PCDH11X: variants seen among roughly 807,000 people sequenced by gnomAD.
PCDH11X encodes the protein protocadherin 11 X-linked.
Under a neutral mutation model 53.3 loss-of-function variants are expected in PCDH11X, and 18 were observed. The observed-to-expected ratio is 0.34, with a 90% CI of 0.23 to 0.50. PCDH11X has a LOEUF of 0.50. Ranked by LOEUF, PCDH11X falls within the 20% of genes least tolerant of loss-of-function variation. The pLI, the probability that PCDH11X is intolerant of heterozygous loss-of-function variation, is 0.98. For synonymous variants in PCDH11X, 279 were observed against 393.3 expected (o/e 0.71, Z 3.44); for missense variants, 570 against 1,032.4 (o/e 0.55, Z 6.14).
chrX:92,259,651 C>T (rs959330776), intron 7 of PCDH11X, among the ~76,000 whole-genome samples: 1 of 111,410 alleles, frequency 9.0e-6, no homozygotes, highest in Non-Finnish European at 1.9e-5. Flanking sequence ...GGTGAGGACT[C>T]AGATCCAAAC....
intron 6 of PCDH11X, among the ~76,000 whole-genome samples, chrX:92,160,637 T>C (rs2065624809): frequency 1.2e-5 from 1 of 84,976 alleles, no homozygotes; most frequent in South Asian, 4.6e-4. Context: ...AGGTATTTTT[T>C]TTTCTTTTTT....
At chrX:91,942,359 A>T (rs1037520501) in intron 6 of PCDH11X, among the ~76,000 whole-genome samples, 3 of 111,039 alleles carry the variant, frequency 2.7e-5, no homozygotes, top group Non-Finnish European at 3.8e-5. Flanking sequence ...TGTAATATCA[A>T]CAATGAGAGA....
chrX:92,597,274 G>GA (rs1461000218), intron 10 of PCDH11X, among the ~76,000 whole-genome samples: 2 of 106,096 alleles, frequency 1.9e-5, no homozygotes, highest in African/African-American at 7.0e-5. Flanking sequence ...TCCATATTGG[G>GA]AAAAAACTAA....
intron 5 of PCDH11X, among the ~76,000 whole-genome samples, chrX:91,851,796 A>G (rs1173314140): frequency 9.0e-6 from 1 of 110,868 alleles, no homozygotes; most frequent in Non-Finnish European, 1.9e-5. Context: ...TATCACCTCT[A>G]TTTTCAAGCT....
chrX:92,495,223 T>A (rs1158425714), intron 10 of PCDH11X, among the ~76,000 whole-genome samples: 1 of 111,297 alleles, frequency 9.0e-6, no homozygotes, highest in Non-Finnish European at 1.9e-5. Flanking sequence ...ATACCGTCTC[T>A]TTCCATACTG....
At chrX:91,796,880 C>T (rs1356695626) in intron 1 of PCDH11X, among the ~76,000 whole-genome samples, 1 of 111,512 alleles carries the variant, frequency 9.0e-6, no homozygotes, top group Non-Finnish European at 1.9e-5. Context: ...CAGTAAATGG[C>T]CCCATCAGGG....
intron 5 of PCDH11X, among the ~76,000 whole-genome samples, chrX:91,845,556 A>T (rs1937619294): frequency 9.0e-6 from 1 of 110,642 alleles, no homozygotes; most frequent in African/African-American, 3.3e-5. Context: ...TTTAACTAGA[A>T]GTACTCATGG....
At chrX:92,184,078 G>A (rs1255100896) in intron 6 of PCDH11X, among the ~76,000 whole-genome samples, 1 of 111,591 alleles carries the variant, frequency 9.0e-6, no homozygotes, top group Non-Finnish European at 1.9e-5. Context: ...CCCAGCATGT[G>A]GAACAGTGTA....
intron 9 of PCDH11X, among the ~76,000 whole-genome samples, chrX:92,409,957 C>T (rs5984952): frequency 0.31 from 34,612 of 110,311 alleles, 4,708 homozygotes; most frequent in East Asian, 0.7. Context: ...ATTTTTTTAG[C>T]ATTTTAAAAT....
rs1257129287 is a variant in PCDH11X at position 92,275,366 on chromosome X, C to G, written c.3144+12223C>G. The stretch of plus-strand genomic sequence containing the variant: ...CACGTGTGTTTTTATGAGAATTATG[C>G]CGAGATAGGTAACAGGTGAGGATAA... On this transcript the variant is annotated intron_variant, in intron 8 of 10. Transcript: ENST00000682573. Among the ~76,000 whole-genome samples the G allele has an allele frequency of 3.7e-5, 4 of 107,334 alleles. No homozygotes were observed. In the Admixed American group the frequency reaches 4.0e-4, roughly 11 times the overall value. The allele number at this position is 107,334 out of a possible 115,157, so 93.2% of individuals were successfully genotyped here. A position where few individuals can be genotyped will look rare whatever the true frequency, so the allele number is the denominator to read the frequency against.
chrX:92,469,541 G>C (rs1221412006), intron 10 of PCDH11X, among the ~76,000 whole-genome samples: 1 of 111,591 alleles, frequency 9.0e-6, no homozygotes, highest in African/African-American at 3.2e-5. Flanking sequence ...TTAGAGTTAA[G>C]TCTTTAATAT....
chrX:92,397,680 A>G (rs1274484314), intron 9 of PCDH11X, among the ~76,000 whole-genome samples: 1 of 110,475 alleles, frequency 9.1e-6, no homozygotes, highest in Admixed American at 9.8e-5. Flanking sequence ...TGCCTCATTC[A>G]GACTGTAGTT....
intron 6 of PCDH11X, among the ~76,000 whole-genome samples, chrX:92,167,707 T>C (rs940866523): frequency 1.8e-5 from 2 of 111,954 alleles, no homozygotes; most frequent in Non-Finnish European, 3.8e-5. Context: ...TTACCACAAT[T>C]GCTGGCCATG....
At chrX:91,907,412 C>CACACACACAGAGAGAG (rs756926383) in intron 6 of PCDH11X, among the ~76,000 whole-genome samples, 3 of 57,496 alleles carry the variant, frequency 5.2e-5, no homozygotes, top group South Asian at 2.2e-3. Context: ...CACACACACA[C>CACACACACAGAGAGAG]AGAGAGAGAG....
chrX:92,281,069 A>C, intron 8 of PCDH11X, among the ~76,000 whole-genome samples: 1 of 111,272 alleles, frequency 9.0e-6, no homozygotes, highest in Middle Eastern at 4.7e-3. Context: ...GAGTGGTGAT[A>C]AATGAATGAG....
At chrX:92,353,160 C>T (rs35994909) in intron 8 of PCDH11X, among the ~76,000 whole-genome samples, 2 of 111,589 alleles carry the variant, frequency 1.8e-5, no homozygotes, top group African/African-American at 3.3e-5. Context: ...ATTTCACCCA[C>T]GTAACTCATT....
At chrX:92,091,206 G>A (rs1325366506) in intron 6 of PCDH11X, among the ~76,000 whole-genome samples, 1 of 111,082 alleles carries the variant, frequency 9.0e-6, no homozygotes, top group Admixed American at 9.6e-5. Context: ...AGTCAGTTTA[G>A]AAGACTGCAG....
chrX:92,202,528 G>A (rs1267764256), intron 7 of PCDH11X, among the ~76,000 whole-genome samples: 1 of 111,129 alleles, frequency 9.0e-6, no homozygotes, highest in Non-Finnish European at 1.9e-5. Flanking sequence ...ATTCCTGGGG[G>A]AGAAGCATCT....
At chrX:92,367,011 T>G (rs1157085223) in intron 8 of PCDH11X, among the ~76,000 whole-genome samples, 1 of 108,817 alleles carries the variant, frequency 9.2e-6, no homozygotes, top group Non-Finnish European at 1.9e-5. Flanking sequence ...CTATTAGGTC[T>G]GCTTGGTCCA....
Sources: gnomAD v4.1 joint callset for allele counts (sites outside exome capture counted in the v4.1 genomes callset) on GRCh38, gnomAD v4.1.1 for gene constraint, MANE v1.5 for transcripts, NCBI Gene and HGNC (gene_info 2026-07-23, HGNC 2026-07-21) for gene names.